The following KNL1 variants were observed in gnomAD, a reference collection of about 807,000 sequenced individuals.
KNL1 encodes kinetochore scaffold 1, also known as outer kinetochore KNL1 complex subunit KNL1.
A neutral mutation model predicts 201.3 loss-of-function variants in KNL1; 66 were observed. The ratio of observed to expected loss-of-function variants is 0.33; its 90% CI spans 0.27 to 0.40. The LOEUF is 0.40. Among genes scored for constraint, KNL1 ranks in the 10% least tolerant of loss-of-function variants. The pLI, the probability that KNL1 is intolerant of heterozygous loss-of-function variation, is 1.00. For synonymous variants in KNL1, 895 were observed against 899.2 expected (o/e 1.00, Z 0.08); for missense variants, 2,815 against 2,690.5 (o/e 1.05, Z -1.02).
Position 40,625,565 on chromosome 15 carries a change from A to C in KNL1, c.5301A>C (p.Glu1767Asp), listed in dbSNP as rs1892722840. 6.2e-7 allele frequency: 1 copy of C among 1,606,202 alleles called. No individual in the cohort carries two copies. Among genetic ancestry groups the C allele is most frequent in the Non-Finnish European group, 8.5e-7 (1 of 1,178,186 alleles). ...GCCAAAAAAGAACGTGGGTACAAGA[A>C]GAAGAAGATATTCATAAGGAGAAAA... ...CNSQKRTWVQ[E>D]EEDIHKEKKI... The change falls in exon 10 of 26, where the codon GAA (glutamate) becomes GAC (aspartate). Residue 1767 changes from glutamate to aspartate, a missense_variant. Physicochemically the swap from Glu to Asp is conservative, Grantham distance 45. This residue lies in a region of KNL1 where 2,464 missense variants were observed against 2,291.7 expected (regional missense o/e 1.08). Coordinates refer to ENST00000399668, the MANE Select transcript of KNL1 (RefSeq NM_144508.5).
Position 40,639,611 on chromosome 15 carries a change from T to A in KNL1, c.5683-1301T>A, listed in dbSNP as rs539278899. ...AAAAAAAAAAAAAGGAAAAAAAAAATTTTTTTTAATTAGCCAAGCATGGTG... is the reference window on the plus strand; with the variant it reads ...AAAAAAAAAAAAAGGAAAAAAAAAAATTTTTTTAATTAGCCAAGCATGGTG... On this transcript the variant is annotated intron_variant, in intron 13 of 25. Coordinates refer to ENST00000399668, the MANE Select transcript of KNL1 (RefSeq NM_144508.5). 2.6e-4 allele frequency among the ~76,000 whole-genome samples: 38 copies of A among 148,858 alleles called. No individual in the cohort carries two copies. The East Asian group carries it at 2.6e-3, about 10-fold the overall frequency.
At chr15:40,646,589 G>A (rs1038362353) in intron 16 of KNL1, 1 of 152,646 alleles carries the variant, frequency 6.6e-6, no homozygotes, top group Non-Finnish European at 1.5e-5. Flanking sequence ...TGGGTGCGGT[G>A]GCTCACGCCT....
chr15:40,621,309 G>T lies in KNL1; in HGVS notation c.1045G>T (p.Val349Leu), dbSNP rs545462475. Reference sequence around the variant, plus strand: ...AAATCAAACTCAGAATGCCATGGATGTAACAACAGGTTATGGAACTAAAGC... The same window carrying T: ...AAATCAAACTCAGAATGCCATGGATTTAACAACAGGTTATGGAACTAAAGC... The part of the protein sequence containing the change: ...IENQTQNAMD[V>L]TTGYGTKASG... The change falls in exon 10 of 26, where the codon GTA (valine) becomes TTA (leucine). Residue 349 changes from valine to leucine, a missense_variant. Transcript: ENST00000399668. The T allele has an allele frequency of 1.2e-6, 2 of 1,613,874 alleles. No individual in the cohort carries two copies. Among genetic ancestry groups the T allele is most frequent in the African/African-American group, 2.7e-5 (2 of 75,038 alleles).
rs1368351970 is a variant in KNL1, at chr15:40,659,427, C to A, written c.6802C>A (p.Pro2268Thr). Residue 2268 changes from proline (P) to threonine (T), a missense_variant, in exon 25 of 26, where the codon CCT becomes ACT. By Grantham distance (38) the Pro-to-Thr change is conservative (BLOSUM62 -1). Coordinates refer to ENST00000399668, the MANE Select transcript of KNL1 (RefSeq NM_144508.5). ...LSAYYPSVPL[P>T]STIQNHVGNT... ...AGCCTATTATCCATCTGTACCATTA[C>A]CTTCCACCATTCAGAATCACGTTGG... The A allele has an allele frequency of 6.2e-7, 1 of 1,613,694 alleles. No individual in the cohort carries two copies. Among genetic ancestry groups the A allele is most frequent in the African/African-American group, 1.3e-5 (1 of 74,904 alleles).
chr15:40,633,900 T>A (rs1186666594), intron 13 of KNL1, among the ~76,000 whole-genome samples: 2 of 152,180 alleles, frequency 1.3e-5, no homozygotes, highest in Non-Finnish European at 2.9e-5. Flanking sequence ...TAAAACAGCC[T>A]CAGGCAAGTC....
At position 40,621,693 on chromosome 15, in the gene KNL1, A is replaced by C; in HGVS notation, c.1429A>C (p.Ile477Leu). The part of the protein sequence containing the change: ...DAMSSLTEKT[I>L]YSGEENMDIT... ...TATGTCTTCTCTCACAGAGAAAACT[A>C]TTTATTCCGGAGAGGAGAACATGGA... The change falls in exon 10 of 26, where the codon ATT becomes CTT. Residue 477 changes from isoleucine to leucine, a missense_variant. Physicochemically the swap from Ile to Leu is conservative, Grantham distance 5 (BLOSUM62 2). This residue lies in a region of KNL1 where 2,464 missense variants were observed against 2,291.7 expected (regional missense o/e 1.08). Transcript: ENST00000399668. The C allele has an allele frequency of 6.2e-7, 1 of 1,610,848 alleles. No individual in the cohort carries two copies. Among genetic ancestry groups the C allele is most frequent in the Non-Finnish European group, 8.5e-7 (1 of 1,177,326 alleles).
Position 40,625,596 on chromosome 15 carries a change from A to G in KNL1, c.5332A>G (p.Arg1778Gly). ...EEDIHKEKKI[R>G]KNEIKFSDTT... ...AGATATTCATAAGGAGAAAAAAATC[A>G]GAAAAAATGAGATTAAGTTTAGTGA... The change falls in exon 10 of 26, where the codon AGA (arginine) becomes GGA (glycine). Residue 1778 changes from arginine to glycine, a missense_variant. Arg to Gly is a moderately radical substitution (Grantham distance 125). This residue lies in a region of KNL1 where 2,464 missense variants were observed against 2,291.7 expected (regional missense o/e 1.08). Coordinates refer to ENST00000399668, the MANE Select transcript of KNL1 (RefSeq NM_144508.5). 1 of 1,609,640 alleles carries G rather than the reference A, an allele frequency of 6.2e-7. No homozygotes were observed. The highest frequency in any genetic ancestry group is 8.5e-7 in the Non-Finnish European group (1 of 1,178,974).
Position 40,623,417 on chromosome 15 carries a change from T to C in KNL1, c.3153T>C (p.Pro1051=). Residue 1051 remains proline, a synonymous_variant, in exon 10 of 26, where the codon CCT becomes CCC. Transcript: ENST00000399668. ...AAAACATCAAAGATGTACAAAGTCC[T>C]GGATTTCTGAATGAACCTCTATCAA... ...TCKNIKDVQS[P]GFLNEPLSSK... is the part of the protein sequence containing the mutation. 6.2e-7 allele frequency: 1 copy of C among 1,613,728 alleles called. No homozygotes were observed. The highest frequency in any genetic ancestry group is 2.2e-5 in the East Asian group (1 of 44,882).
At chr15:40,661,060 GAAGAT>G (rs1028753179) in intron 25 of KNL1, among the ~76,000 whole-genome samples, 6 of 151,996 alleles carry the variant, frequency 3.9e-5, no homozygotes, top group African/African-American at 1.5e-4. Flanking sequence ...TGACAGATTG[GAAGAT>G]AACAGAGTTA....
At chr15:40,633,258 C>T (rs1385823879) in intron 13 of KNL1, among the ~76,000 whole-genome samples, 2 of 146,364 alleles carry the variant, frequency 1.4e-5, no homozygotes, top group East Asian at 4.0e-4. Context: ...CTGCAGTGAG[C>T]TGAGGTCACG....
At chr15:40,625,866 A>G (rs1892737341) in intron 10 of KNL1, 1 of 452,510 alleles carries the variant, frequency 2.2e-6, no homozygotes, top group East Asian at 3.8e-5. Context: ...CAAAAAAATT[A>G]AATGGAAAAT....
rs373109493 is a variant in KNL1 at position 40,625,306 on chromosome 15, T to A, written c.5042T>A (p.Ile1681Lys). The A allele has an allele frequency of 5.6e-6, 9 of 1,613,970 alleles. No individual in the cohort carries two copies. The highest frequency in any genetic ancestry group is 7.6e-6 in the Non-Finnish European group (9 of 1,180,004). ...LEQIPADTTDINHLETQPVSS... is the reference protein window; with the variant it reads ...LEQIPADTTDKNHLETQPVSS... Reference sequence around the variant, plus strand: ...CAGATTCCAGCAGACACAACTGATATAAATCACTTAGAAACTCAGCCGGTC... The same window carrying A: ...CAGATTCCAGCAGACACAACTGATAAAAATCACTTAGAAACTCAGCCGGTC... Residue 1681 changes from isoleucine to lysine, a missense_variant, in exon 10 of 26, where the codon ATA (isoleucine) becomes AAA (lysine). This residue lies in a region of KNL1 where 2,464 missense variants were observed against 2,291.7 expected (regional missense o/e 1.08). Transcript: ENST00000399668.
rs115636209 is a variant in KNL1 at position 40,664,169 on chromosome 15, G to T, written c.*1981G>T. On this transcript the variant is annotated 3_prime_UTR_variant, in exon 26 of 26. Transcript: ENST00000399668. ...CTCTAAAAAAGATTTGGCTTGTAAT[G>T]ACGGTCTCTGCTTTTTTGGGTTTGG... 2.2e-5 allele frequency: 4 copies of T among 182,708 alleles called. No individual in the cohort carries two copies. The highest frequency in any genetic ancestry group is 4.7e-5 in the Non-Finnish European group (4 of 85,798). The allele number at this position is 182,708 out of a possible 1,614,324, so 11.3% of individuals were successfully genotyped here.
chr15:40,664,042 C>G lies in KNL1; in HGVS notation c.*1854C>G. 5.4e-6 allele frequency: 1 copy of G among 184,684 alleles called. No individual in the cohort carries two copies. The highest frequency in any genetic ancestry group is 2.0e-3 in the Middle Eastern group (1 of 492). The allele number at this position is 184,684 out of a possible 1,614,324, so 11.4% of individuals were successfully genotyped here. ...TAAAGTCATCAATATGATCTGTTTCCCATGAAACTTAAGTTAGCTTTCTTA... is the reference window on the plus strand; with the variant it reads ...TAAAGTCATCAATATGATCTGTTTCGCATGAAACTTAAGTTAGCTTTCTTA... On this transcript the variant is annotated 3_prime_UTR_variant, in exon 26 of 26. Coordinates refer to ENST00000399668, the MANE Select transcript of KNL1 (RefSeq NM_144508.5).
At chr15:40,612,777 A>C (rs932675802) in intron 7 of KNL1, among the ~76,000 whole-genome samples, 1 of 152,060 alleles carries the variant, frequency 6.6e-6, no homozygotes, top group African/African-American at 2.4e-5. Context: ...TTGGCCTCCT[A>C]AAGTGCTGGG....
At chr15:40,597,669 T>G (rs541044787) in intron 1 of KNL1, among the ~76,000 whole-genome samples, 26 of 152,288 alleles carry the variant, frequency 1.7e-4, no homozygotes, top group African/African-American at 6.0e-4. Flanking sequence ...GAGTCTCCTA[T>G]TTGTGTTGAA....
intron 24 of KNL1, 107 bp downstream of exon 24, chr15:40,657,580 A>T: frequency 1.6e-6 from 1 of 638,976 alleles, no homozygotes; most frequent in Non-Finnish European, 2.8e-6. Context: ...AGCGGGTGTT[A>T]TTCTTTCTGA....
chr15:40,633,048 G>T (rs564570546), intron 13 of KNL1, among the ~76,000 whole-genome samples: 1 of 152,096 alleles, frequency 6.6e-6, no homozygotes, highest in Non-Finnish European at 1.5e-5. Flanking sequence ...TTTTATGGAG[G>T]CCAGGCATCG....
In KNL1 at chr15:40,645,014, C is replaced by T. The variant is rs754738775; in HGVS notation, c.5816C>T (p.Ser1939Leu). Residue 1939 changes from serine to leucine, a missense_variant, in exon 15 of 26, where the codon TCG becomes TTG. Transcript: ENST00000399668. Reference protein sequence around the residue: ...QKIEELKLSASNQDKLLVDIN... With the variant: ...QKIEELKLSALNQDKLLVDIN... The stretch of plus-strand genomic sequence containing the variant: ...TATTTTAGATTAAAGCTTTCTGCAT[C>T]GAACCAAGATAAGCTGTTGGTTGAT... 15 of 1,610,434 alleles carry T rather than the reference C, an allele frequency of 9.3e-6. No homozygotes were observed. The highest frequency in any genetic ancestry group is 2.2e-5 in the East Asian group (1 of 44,708).
Sources: allele counts gnomAD v4.1 joint callset (sites outside exome capture counted in the v4.1 genomes callset), GRCh38; gene constraint gnomAD v4.1.1; regional missense constraint gnomAD v4.1.1; transcripts MANE v1.5; gene names NCBI Gene and HGNC (gene_info 2026-07-23, HGNC 2026-07-21).